CDH13: variants seen among roughly 807,000 people sequenced by gnomAD.
CDH13 encodes the protein cadherin-13.
A neutral mutation model predicts 63.8 loss-of-function variants in CDH13; 24 were observed. The ratio of observed to expected loss-of-function variants is 0.38; its 90% CI spans 0.27 to 0.53. The LOEUF is 0.53. CDH13 is among the 20% of genes least tolerant of loss of function. The pLI, the probability that CDH13 is intolerant of heterozygous loss-of-function variation, is 0.85. For synonymous variants in CDH13, 503 were observed against 355.3 expected (o/e 1.42, Z -4.67); for missense variants, 1,049 against 903.1 (o/e 1.16, Z -2.07).
At chr16:83,317,335 A>G (rs975457706) in intron 5 of CDH13, among the ~76,000 whole-genome samples, 1 of 152,218 alleles carries the variant, frequency 6.6e-6, no homozygotes, top group Non-Finnish European at 1.5e-5. Flanking sequence ...TGAATGTGAT[A>G]CAAGCAAAGA....
intron 1 of CDH13, among the ~76,000 whole-genome samples, chr16:82,628,801 C>T (rs187733570): frequency 6.6e-6 from 1 of 152,202 alleles, no homozygotes; most frequent in Admixed American, 6.5e-5. Context: ...TTGGAGCATG[C>T]CTCAGACAGA....
At chr16:83,152,267 T>A (rs2037014909) in intron 4 of CDH13, among the ~76,000 whole-genome samples, 1 of 152,146 alleles carries the variant, frequency 6.6e-6, no homozygotes, top group East Asian at 1.9e-4. Context: ...ACCTAAATGA[T>A]CCACGACAAG....
intron 6 of CDH13, among the ~76,000 whole-genome samples, chr16:83,437,945 C>T (rs375220723): frequency 6.6e-6 from 1 of 152,130 alleles, no homozygotes; most frequent in Admixed American, 6.5e-5. Flanking sequence ...AGATCTCTTC[C>T]ATCTGCTTCC....
intron 1 of CDH13, among the ~76,000 whole-genome samples, chr16:82,759,816 A>G (rs1319150290): frequency 3.9e-5 from 6 of 151,988 alleles, no homozygotes; most frequent in East Asian, 1.9e-4. Context: ...TTATTGAGTA[A>G]TTCTCCCCTA....
intron 3 of CDH13, among the ~76,000 whole-genome samples, chr16:83,034,570 C>T (rs567131205): frequency 2.6e-5 from 4 of 152,282 alleles, no homozygotes; most frequent in African/African-American, 7.2e-5. Flanking sequence ...CCAGGATATA[C>T]AGCAAAAACA....
intron 7 of CDH13, among the ~76,000 whole-genome samples, chr16:83,546,206 C>T (rs1186533167): frequency 2.7e-5 from 4 of 149,920 alleles, no homozygotes; most frequent in African/African-American, 4.9e-5. Context: ...GAGCGTGGGA[C>T]GTCTTGGTAG....
intron 2 of CDH13, among the ~76,000 whole-genome samples, chr16:82,966,377 G>A (rs1326048082): frequency 6.6e-6 from 1 of 152,092 alleles, no homozygotes; most frequent in Non-Finnish European, 1.5e-5. Flanking sequence ...TCGATTTCCT[G>A]ACCTCGTGAT....
At chr16:82,919,765 C>G (rs1318525927) in intron 2 of CDH13, among the ~76,000 whole-genome samples, 1 of 152,188 alleles carries the variant, frequency 6.6e-6, no homozygotes, top group Non-Finnish European at 1.5e-5. Context: ...ACAGGTCCAT[C>G]TGTTCGTCAT....
In CDH13 at chr16:82,692,753, C is replaced by T. The variant is rs144788410; in HGVS notation, c.45+65616C>T. 4.3e-3 allele frequency among the ~76,000 whole-genome samples: 652 copies of T among 152,210 alleles called. 1 individual carries two copies. Among genetic ancestry groups the T allele is most frequent in the Non-Finnish European group, 6.1e-3 (416 of 68,020 alleles). ...GAATGAAATTTATATTCCTAGTTTC[C>T]GTGGAGCTGTGTGCATGAAAAACCT... is the stretch of plus-strand genomic sequence containing the variant. On this transcript the variant is annotated intron_variant, in intron 1 of 13. Coordinates refer to ENST00000567109, the MANE Select transcript of CDH13 (RefSeq NM_001257.5).
chr16:83,041,814 C>G (rs973321802), intron 3 of CDH13, among the ~76,000 whole-genome samples: 5 of 152,160 alleles, frequency 3.3e-5, no homozygotes. Flanking sequence ...GGACATAATA[C>G]TCTGGCCTTG....
In CDH13 at chr16:83,491,924, G is replaced by C. The variant is rs192033752; in HGVS notation, c.960+5269G>C. Among the ~76,000 whole-genome samples, 28 of 152,222 alleles carry C rather than the reference G, an allele frequency of 1.8e-4. No individual in the cohort carries two copies. In the East Asian group the frequency reaches 5.4e-3, roughly 29 times the overall value. ...TTCTTTCTTTCTTTCCATGGTAAGT[G>C]TTACATAAGGACTTAGTCTTAGATT... On this transcript the variant is annotated intron_variant, in intron 7 of 13. Coordinates refer to ENST00000567109, the MANE Select transcript of CDH13 (RefSeq NM_001257.5).
intron 10 of CDH13, among the ~76,000 whole-genome samples, chr16:83,739,666 CA>C (rs1473824157): frequency 2.0e-5 from 3 of 152,066 alleles, no homozygotes; most frequent in African/African-American, 7.2e-5. Context: ...TTGGCTGGGA[CA>C]AGAGAGACAG....
chr16:83,141,397 GA>G (rs894105922), intron 4 of CDH13, among the ~76,000 whole-genome samples: 2 of 152,120 alleles, frequency 1.3e-5, no homozygotes, highest in African/African-American at 4.8e-5. Flanking sequence ...TGACATAATT[GA>G]TGTCAGCATG....
intron 1 of CDH13, among the ~76,000 whole-genome samples, chr16:82,768,831 AAAG>A (rs1482990023): frequency 6.6e-6 from 1 of 152,240 alleles, no homozygotes; most frequent in Non-Finnish European, 1.5e-5. Context: ...TCAGCCTAGC[AAAG>A]AAGATCAGAA....
intron 5 of CDH13, among the ~76,000 whole-genome samples, chr16:83,286,008 G>A (rs369303153): frequency 9.9e-5 from 15 of 152,178 alleles, no homozygotes; most frequent in African/African-American, 3.4e-4. Flanking sequence ...GGAGCAAAGA[G>A]CCGTTGCCCA....
At chr16:82,906,306 A>G (rs543742104) in intron 2 of CDH13, among the ~76,000 whole-genome samples, 3 of 152,264 alleles carry the variant, frequency 2.0e-5, no homozygotes, top group South Asian at 2.1e-4. Context: ...GGTGGCCATG[A>G]TGAGGATTCC....
chr16:83,770,296 C>T (rs1386429626), intron 11 of CDH13, among the ~76,000 whole-genome samples: 4 of 152,210 alleles, frequency 2.6e-5, no homozygotes, highest in East Asian at 3.9e-4. Context: ...ACTCAAACTT[C>T]GAGCTCTGTG....
In CDH13 at chr16:83,797,393, A is replaced by G. The variant is rs886352137; in HGVS notation, c.*2363A>G. ...TTAACTTCGCTGAAAATTCAGAAAAATAGGAGTAAAGTGCACACTTCATTA... is the reference window on the plus strand; with the variant it reads ...TTAACTTCGCTGAAAATTCAGAAAAGTAGGAGTAAAGTGCACACTTCATTA... On this transcript the variant is annotated 3_prime_UTR_variant, in exon 14 of 14. Transcript: ENST00000567109. 1 of 152,212 alleles carries G rather than the reference A, an allele frequency of 6.6e-6. No homozygotes were observed. Among genetic ancestry groups the G allele is most frequent in the African/African-American group, 2.4e-5 (1 of 41,448 alleles). The allele number at this position is 152,212 out of a possible 1,614,324, so 9.4% of individuals were successfully genotyped here.
intron 6 of CDH13, among the ~76,000 whole-genome samples, chr16:83,406,628 G>C (rs755604922): frequency 1.3e-5 from 2 of 152,190 alleles, no homozygotes; most frequent in South Asian, 2.1e-4. Context: ...ACCACGGCCA[G>C]CTAATTTTTG....
Sources: gnomAD v4.1 joint callset for allele counts (sites outside exome capture counted in the v4.1 genomes callset) on GRCh38, gnomAD v4.1.1 for gene constraint, MANE v1.5 for transcripts, NCBI Gene and HGNC (gene_info 2026-07-23, HGNC 2026-07-21) for gene names.